Variants in ASCC1 observed in about 807,000 individuals in gnomAD.
ASCC1 encodes the protein activating signal cointegrator 1 complex subunit 1, also known as ASC-1 complex subunit P50.
In ASCC1, 35 loss-of-function variants were observed where a neutral mutation model predicts 46.6. The ratio of observed to expected loss-of-function variants is 0.75; its 90% CI spans 0.57 to 0.99. The LOEUF (loss-of-function observed/expected upper bound fraction) is 0.99. ASCC1 is among the 50% of genes least tolerant of loss of function. The probability of loss-of-function intolerance (pLI) is 0.00; values close to 1 mark genes in which losing one functional copy is unlikely to be tolerated. For missense variants in ASCC1, 376 were observed against 428.7 expected (o/e 0.88, Z 1.09); for synonymous variants, 143 against 146.6 (o/e 0.98, Z 0.18).
At chr10:72,177,712 T>A (rs1474022948) in intron 5 of ASCC1, among the ~76,000 whole-genome samples, 1 of 152,204 alleles carries the variant, frequency 6.6e-6, no homozygotes, top group Non-Finnish European at 1.5e-5. Flanking sequence ...ATAGCAGCAT[T>A]ACTAGCTAAA....
rs576754200 is a variant in ASCC1 at position 72,112,752 on chromosome 10, G to A, written c.958-15302C>T. 2.6e-5 allele frequency among the ~76,000 whole-genome samples: 4 copies of A among 151,624 alleles called. No individual in the cohort carries two copies. In the South Asian group the frequency reaches 6.3e-4, roughly 24 times the overall value. On this transcript the variant is annotated intron_variant, in intron 9 of 9. Coordinates refer to ENST00000672957, the MANE Select transcript of ASCC1 (RefSeq NM_001198800.3). Reference sequence around the variant, plus strand: ...AAATTTGCCAGGCATGGTGGCACACGCCTGTAATCCCAACTACTCAGGAGG... The same window carrying A: ...AAATTTGCCAGGCATGGTGGCACACACCTGTAATCCCAACTACTCAGGAGG...
intron 4 of ASCC1, among the ~76,000 whole-genome samples, chr10:72,199,694 C>T (rs752658888): frequency 2.7e-4 from 41 of 152,268 alleles, no homozygotes; most frequent in African/African-American, 5.1e-4. Context: ...CCGGCATGAG[C>T]TAACACGCCT....
At chr10:72,199,467 T>C (rs1293464630) in intron 4 of ASCC1, among the ~76,000 whole-genome samples, 1 of 151,978 alleles carries the variant, frequency 6.6e-6, no homozygotes, top group Non-Finnish European at 1.5e-5. Context: ...CCTGCTAATT[T>C]TTGTATTTTC....
At chr10:72,196,257 A>T (rs1023975763) in intron 5 of ASCC1, among the ~76,000 whole-genome samples, 2 of 150,540 alleles carry the variant, frequency 1.3e-5, no homozygotes, top group Non-Finnish European at 3.0e-5. Context: ...GTCTATTAGG[A>T]TGAGCCATTT....
At position 72,210,732 on chromosome 10, in the gene ASCC1, T is replaced by G. The variant is rs775238808; in HGVS notation, c.212A>C (p.Lys71Thr). Reference sequence around the variant, plus strand: ...TGAAACTGTTGGGGACATGACTCACTTATAGAGCAAGCTGGGGGCCCTCAA... The same window carrying G: ...TGAAACTGTTGGGGACATGACTCACGTATAGAGCAAGCTGGGGGCCCTCAA... Reference protein sequence around the residue: ...STLRAPSLLYKHIVGKRGDTR... With the variant: ...STLRAPSLLYTHIVGKRGDTR... The change falls in exon 3 of 10, where the codon AAG (lysine) becomes ACG (threonine). Residue 71 changes from lysine to threonine, a missense_variant and splice_region_variant. Coordinates refer to ENST00000672957, the MANE Select transcript of ASCC1 (RefSeq NM_001198800.3). The G allele has an allele frequency of 6.2e-7, 1 of 1,613,926 alleles. No homozygotes were observed. The highest frequency in any genetic ancestry group is 1.1e-5 in the South Asian group (1 of 91,076).
intron 5 of ASCC1, among the ~76,000 whole-genome samples, chr10:72,185,330 T>G (rs1201970054): frequency 2.0e-5 from 3 of 152,288 alleles, no homozygotes; most frequent in African/African-American, 7.2e-5. Context: ...CTGCACAAAT[T>G]TATAATAGCC....
intron 9 of ASCC1, among the ~76,000 whole-genome samples, chr10:72,124,308 C>A (rs1401987574): frequency 1.3e-5 from 2 of 152,206 alleles, no homozygotes; most frequent in African/African-American, 4.8e-5. Flanking sequence ...TCCAGGATTT[C>A]TAAGTGTCTA....
chr10:72,133,017 G>A (rs377549482), intron 8 of ASCC1, 40 bp downstream of exon 8: 12 of 1,613,090 alleles, frequency 7.4e-6, no homozygotes, highest in African/African-American at 5.3e-5. Flanking sequence ...CCACAAGGCC[G>A]CTGATCACAA....
chr10:72,124,740 T>C (rs1170402747), intron 9 of ASCC1, among the ~76,000 whole-genome samples: 5 of 151,246 alleles, frequency 3.3e-5, no homozygotes, highest in Non-Finnish European at 7.4e-5. Flanking sequence ...TTTTTTTTTT[T>C]TTTTGCTATC....
chr10:72,111,142 G>C (rs59260836), intron 9 of ASCC1, among the ~76,000 whole-genome samples: 5,728 of 152,232 alleles, frequency 0.038, 333 homozygotes, highest in African/African-American at 0.13. Flanking sequence ...GGAAGAGAGA[G>C]AGGGTTATCA....
chr10:72,176,643 CCTTAA>C (rs1851890312), intron 5 of ASCC1, among the ~76,000 whole-genome samples: 1 of 152,164 alleles, frequency 6.6e-6, no homozygotes. Flanking sequence ...CCATGCCCAG[CCTTAA>C]CTATTTTCTT....
At chr10:72,155,260 T>C (rs924606705) in intron 6 of ASCC1, among the ~76,000 whole-genome samples, 3 of 152,178 alleles carry the variant, frequency 2.0e-5, no homozygotes, top group Non-Finnish European at 4.4e-5. Flanking sequence ...AAATGTATTA[T>C]CCATTAACAA....
intron 5 of ASCC1, among the ~76,000 whole-genome samples, chr10:72,172,168 C>T (rs1420766315): frequency 6.6e-6 from 1 of 151,984 alleles, no homozygotes; most frequent in Non-Finnish European, 1.5e-5. Context: ...GTAATCCCAG[C>T]ACTTTGGGAG....
intron 3 of ASCC1, among the ~76,000 whole-genome samples, chr10:72,209,798 A>G (rs981178693): frequency 4.0e-5 from 6 of 151,020 alleles, no homozygotes; most frequent in Admixed American, 2.6e-4. Context: ...TAAATAAATA[A>G]ATTAAATAAA....
At chr10:72,150,582 C>T (rs192429843) in intron 7 of ASCC1, among the ~76,000 whole-genome samples, 32 of 152,262 alleles carry the variant, frequency 2.1e-4, no homozygotes, top group Admixed American at 5.9e-4. Context: ...CCTTAGAAAT[C>T]GCCTCAACTG....
intron 2 of ASCC1, among the ~76,000 whole-genome samples, chr10:72,211,665 T>C (rs1054819765): frequency 3.3e-5 from 5 of 151,174 alleles, no homozygotes; most frequent in Admixed American, 3.3e-4. Flanking sequence ...CTACTAAAAA[T>C]ATAAAAAATT....
chr10:72,212,889 C>T (rs1858370527), intron 2 of ASCC1, among the ~76,000 whole-genome samples: 1 of 151,976 alleles, frequency 6.6e-6, no homozygotes, highest in Admixed American at 6.6e-5. Context: ...TACAACTCTA[C>T]AACGGAACTT....
chr10:72,172,876 A>T (rs1372710601), intron 5 of ASCC1, among the ~76,000 whole-genome samples: 2 of 125,600 alleles, frequency 1.6e-5, no homozygotes, highest in African/African-American at 2.9e-5. Context: ...TATATTATAT[A>T]TTATATTTTT....
At chr10:72,214,081 G>A (rs546986598) in intron 1 of ASCC1, among the ~76,000 whole-genome samples, 1 of 151,354 alleles carries the variant, frequency 6.6e-6, no homozygotes, top group African/African-American at 2.4e-5. Flanking sequence ...GGCCAGGCAT[G>A]GTGGCTTACA....
Sources: allele counts gnomAD v4.1 joint callset (sites outside exome capture counted in the v4.1 genomes callset), GRCh38; gene constraint gnomAD v4.1.1; transcripts MANE v1.5; gene names NCBI Gene and HGNC (gene_info 2026-07-23, HGNC 2026-07-21).